Variants in RNF13 observed in about 807,000 individuals in gnomAD.
RNF13 encodes ring finger protein 13, also known as E3 ubiquitin-protein ligase RNF13.
RNF13 carries 19 observed loss-of-function variants against 37.7 expected under a neutral mutation model. The observed-to-expected ratio is 0.50, with a 90% CI of 0.35 to 0.74. The LOEUF (loss-of-function observed/expected upper bound fraction) is 0.74, where lower values mean the gene tolerates loss of function less well. Ranked by LOEUF, RNF13 falls within the 30% of genes least tolerant of loss-of-function variation. RNF13 has a pLI of 0.01. For missense variants in RNF13, 375 were observed against 453.0 expected (o/e 0.83, Z 1.56); for synonymous variants, 144 against 157.8 (o/e 0.91, Z 0.65).
chr3:149,821,580 A>G (rs758391287), intron 1 of RNF13, among the ~76,000 whole-genome samples: 4 of 151,170 alleles, frequency 2.6e-5, no homozygotes, highest in Non-Finnish European at 4.4e-5. Context: ...ATTATCAAAT[A>G]TATAATGTGC....
In RNF13 at chr3:149,902,867, G is replaced by A. The variant is rs904577703; in HGVS notation, c.500+705G>A. Among the ~76,000 whole-genome samples, 3 of 152,170 alleles carry A rather than the reference G, an allele frequency of 2.0e-5. No individual in the cohort carries two copies. In the South Asian group the frequency reaches 6.2e-4, roughly 32 times the overall value. On this transcript the variant is annotated intron_variant, in intron 6 of 9. Transcript: ENST00000392894. ...AATAAAAGCAGCTAATATTTATTGA[G>A]CATTTAGCAAAGCTGGGCACTCATG...
chr3:149,852,481 G>A, intron 2 of RNF13, 35 bp from the exon 3 acceptor site: 3 of 908,960 alleles, frequency 3.3e-6, no homozygotes, highest in Non-Finnish European at 5.0e-6. Context: ...TATATAAATT[G>A]GTCTTAACTT....
At chr3:149,946,899 T>G (rs1445172072) in intron 8 of RNF13, among the ~76,000 whole-genome samples, 1 of 152,226 alleles carries the variant, frequency 6.6e-6, no homozygotes, top group Admixed American at 6.5e-5. Context: ...CTTTCTTCCT[T>G]TTTAATAAGA....
At chr3:149,846,812 A>G (rs1722684370) in intron 2 of RNF13, among the ~76,000 whole-genome samples, 1 of 152,328 alleles carries the variant, frequency 6.6e-6, no homozygotes. Flanking sequence ...TAGTATCTCT[A>G]TTGATAATAA....
chr3:149,892,241 G>A (rs938716861), intron 4 of RNF13, among the ~76,000 whole-genome samples: 4 of 152,126 alleles, frequency 2.6e-5, no homozygotes, highest in Non-Finnish European at 4.4e-5. Flanking sequence ...ATTTTGTAGT[G>A]TATTTATAGA....
At chr3:149,848,354 A>T (rs1457653400) in intron 2 of RNF13, among the ~76,000 whole-genome samples, 1 of 152,338 alleles carries the variant, frequency 6.6e-6, no homozygotes, top group South Asian at 2.1e-4. Context: ...TATGCTGTCC[A>T]TAAGGATAGA....
intron 4 of RNF13, among the ~76,000 whole-genome samples, chr3:149,882,464 G>T (rs1460844351): frequency 2.6e-5 from 4 of 152,048 alleles, no homozygotes; most frequent in Non-Finnish European, 5.9e-5. Flanking sequence ...AAAAAAGATT[G>T]TTCTTAAGGA....
intron 5 of RNF13, among the ~76,000 whole-genome samples, chr3:149,901,805 TTAAAAA>T (rs1410840891): frequency 6.6e-6 from 1 of 152,190 alleles, no homozygotes; most frequent in Non-Finnish European, 1.5e-5. Context: ...AATGGAAATA[TTAAAAA>T]TAAAAATTAC....
At chr3:149,946,000 A>C (rs1283080173) in intron 8 of RNF13, among the ~76,000 whole-genome samples, 1 of 152,216 alleles carries the variant, frequency 6.6e-6, no homozygotes, top group Non-Finnish European at 1.5e-5. Flanking sequence ...AATTCTAAAA[A>C]TCAGAGCGCC....
At chr3:149,851,875 A>G (rs1723152729) in intron 2 of RNF13, among the ~76,000 whole-genome samples, 1 of 152,162 alleles carries the variant, frequency 6.6e-6, no homozygotes, top group Non-Finnish European at 1.5e-5. Flanking sequence ...AGCACAAAGA[A>G]CTTTTGTTTT....
chr3:149,856,878 G>A (rs970963920), intron 3 of RNF13, among the ~76,000 whole-genome samples: 1 of 152,096 alleles, frequency 6.6e-6, no homozygotes, highest in African/African-American at 2.4e-5. Flanking sequence ...CTCCTGAGTA[G>A]CTGGGACTAC....
At chr3:149,928,778 C>A (rs1445475316) in intron 8 of RNF13, among the ~76,000 whole-genome samples, 2 of 152,138 alleles carry the variant, frequency 1.3e-5, no homozygotes, top group Middle Eastern at 6.3e-3. Context: ...GTCTTGACAT[C>A]TTAACAATAT....
At chr3:149,820,328 A>G (rs1445340168) in intron 1 of RNF13, among the ~76,000 whole-genome samples, 1 of 152,066 alleles carries the variant, frequency 6.6e-6, no homozygotes, top group Admixed American at 6.6e-5. Context: ...CTGGGATTAC[A>G]GGCGTGAGTC....
intron 8 of RNF13, among the ~76,000 whole-genome samples, chr3:149,938,116 AG>A (rs1349824417): frequency 2.0e-5 from 3 of 151,842 alleles, no homozygotes; most frequent in Non-Finnish European, 4.4e-5. Flanking sequence ...CTCTGTTATT[AG>A]GTACATACAC....
intron 8 of RNF13, among the ~76,000 whole-genome samples, chr3:149,952,202 C>T (rs867906622): frequency 1.3e-4 from 20 of 151,978 alleles, no homozygotes; most frequent in African/African-American, 3.6e-4. Flanking sequence ...CCTGGCATGC[C>T]CTTTGTTCAC....
chr3:149,894,985 AACCAG>A, intron 4 of RNF13, among the ~76,000 whole-genome samples: 1 of 152,294 alleles, frequency 6.6e-6, no homozygotes, highest in East Asian at 1.9e-4. Context: ...AGCTAGATAG[AACCAG>A]AGTAAGCAAC....
rs562741926 is a variant in RNF13, at chr3:149,893,436, T to C, written c.322-2037T>C. On this transcript the variant is annotated intron_variant, in intron 4 of 9. Coordinates refer to ENST00000392894, the MANE Select transcript of RNF13 (RefSeq NM_183381.3). ...ATTGTGTCTTTGGCAACAGTTACTT[T>C]TTGGGTGTGGAAAGAAACATTTCTC... is the stretch of plus-strand genomic sequence containing the variant. Among the ~76,000 whole-genome samples the C allele has an allele frequency of 7.9e-5, 12 of 152,332 alleles. No individual in the cohort carries two copies. The South Asian group carries it at 2.5e-3, about 32-fold the overall frequency.
At chr3:149,812,876 C>T (rs1719043552), upstream of RNF13, 1 of 152,494 alleles carries the variant, frequency 6.6e-6, no homozygotes, top group Non-Finnish European at 1.5e-5. Context: ...CCCTCCAGAC[C>T]CTACGGTCTC....
chr3:149,886,163 T>A (rs975554871), intron 4 of RNF13, among the ~76,000 whole-genome samples: 1 of 152,222 alleles, frequency 6.6e-6, no homozygotes, highest in African/African-American at 2.4e-5. Context: ...TCAGGTAATG[T>A]GATTCCTTCA....
Sources: gnomAD v4.1 joint callset for allele counts (sites outside exome capture counted in the v4.1 genomes callset) on GRCh38, gnomAD v4.1.1 for gene constraint, MANE v1.5 for transcripts, NCBI Gene and HGNC (gene_info 2026-07-23, HGNC 2026-07-21) for gene names.